Variants in KAZN observed in about 807,000 individuals in gnomAD.
KAZN encodes the protein kazrin, periplakin interacting protein.
Under a neutral mutation model 87.4 loss-of-function variants are expected in KAZN, and 40 were observed. That is an observed-to-expected ratio of 0.46 (90% CI 0.36 to 0.60). KAZN has a LOEUF of 0.60. Ranked by LOEUF, KAZN falls within the 20% of genes least tolerant of loss-of-function variation. The pLI is 0.00. For missense variants in KAZN, 898 were observed against 1,073.9 expected (o/e 0.84, Z 2.29); for synonymous variants, 466 against 458.3 (o/e 1.02, Z -0.22).
At chr1:14,548,560 A>G (rs1673317743) in intron 2 of KAZN, among the ~76,000 whole-genome samples, 1 of 152,094 alleles carries the variant, frequency 6.6e-6, no homozygotes, top group South Asian at 2.1e-4. Context: ...ATATAATTCT[A>G]TTTTACATAT....
chr1:14,650,442 A>T (rs915103071), intron 1 of KAZN, among the ~76,000 whole-genome samples: 3 of 152,166 alleles, frequency 2.0e-5, no homozygotes, highest in Non-Finnish European at 2.9e-5. Context: ...CAGGAGACTG[A>T]GGCAGGAGGA....
intron 1 of KAZN, among the ~76,000 whole-genome samples, chr1:14,646,274 C>T (rs530945713): frequency 6.6e-6 from 1 of 152,106 alleles, no homozygotes; most frequent in Non-Finnish European, 1.5e-5. Flanking sequence ...GGCTGGGTAT[C>T]GTGGCTCATG....
chr1:14,969,856 C>T (rs536596417), intron 2 of KAZN, among the ~76,000 whole-genome samples: 25 of 152,130 alleles, frequency 1.6e-4, no homozygotes, highest in Non-Finnish European at 2.6e-4. Flanking sequence ...CTCTGTCGCC[C>T]AGGCTGGAGT....
intron 2 of KAZN, among the ~76,000 whole-genome samples, chr1:14,469,281 G>A (rs1302199157): frequency 6.6e-6 from 1 of 152,064 alleles, no homozygotes; most frequent in East Asian, 1.9e-4. Context: ...CTTTCCTATT[G>A]ACATTATTTA....
chr1:14,824,176 A>G (rs978475339), intron 1 of KAZN, among the ~76,000 whole-genome samples: 1 of 151,934 alleles, frequency 6.6e-6, no homozygotes, highest in Admixed American at 6.5e-5. Flanking sequence ...TTTCAGACTC[A>G]ATTCAGGCAG....
intron 2 of KAZN, among the ~76,000 whole-genome samples, chr1:14,441,111 C>T (rs1010870502): frequency 2.6e-5 from 4 of 152,128 alleles, no homozygotes; most frequent in Non-Finnish European, 5.9e-5. Flanking sequence ...GCCCCAGGGC[C>T]TTGAGCAGCC....
chr1:14,596,055 C>A (rs1350840579), upstream of KAZN, among the ~76,000 whole-genome samples: 2 of 152,122 alleles, frequency 1.3e-5, no homozygotes, highest in African/African-American at 4.8e-5. Flanking sequence ...AATAATCTCA[C>A]TGAAGAGCAA....
At chr1:14,828,342 C>T (rs527822442) in intron 1 of KAZN, among the ~76,000 whole-genome samples, 1 of 152,284 alleles carries the variant, frequency 6.6e-6, no homozygotes, top group East Asian at 1.9e-4. Context: ...TATTTTCGTC[C>T]TATTTTATTT....
intron 1 of KAZN, among the ~76,000 whole-genome samples, chr1:14,067,100 T>A (rs1175867357): frequency 1.3e-5 from 2 of 152,086 alleles, no homozygotes; most frequent in Non-Finnish European, 2.9e-5. Context: ...TATTCTTTAT[T>A]TACCAACTTT....
chr1:14,997,770 C>G (rs1668046150), intron 2 of KAZN, among the ~76,000 whole-genome samples: 1 of 152,144 alleles, frequency 6.6e-6, no homozygotes, highest in South Asian at 2.1e-4. Context: ...TGATCAGGAC[C>G]TGGGCACCTG....
At chr1:14,431,435 C>T (rs1666064585) in intron 2 of KAZN, among the ~76,000 whole-genome samples, 1 of 152,170 alleles carries the variant, frequency 6.6e-6, no homozygotes, top group Non-Finnish European at 1.5e-5. Context: ...AAGATGAGGG[C>T]AGATAATGGG....
intron 2 of KAZN, among the ~76,000 whole-genome samples, chr1:14,969,632 A>G (rs532567312): frequency 6.2e-4 from 95 of 152,278 alleles, no homozygotes; most frequent in Non-Finnish European, 1.0e-3. Context: ...CTTAGACTCC[A>G]CATTTTGATC....
intron 2 of KAZN, among the ~76,000 whole-genome samples, chr1:14,965,036 CTT>C (rs556431827): frequency 1.4e-5 from 2 of 144,504 alleles, no homozygotes; most frequent in South Asian, 2.2e-4. Flanking sequence ...ATATTTTTTT[CTT>C]TTTTTTTTTT....
chr1:13,982,340 A>G (rs1455387484), intron 1 of KAZN, among the ~76,000 whole-genome samples: 2 of 152,010 alleles, frequency 1.3e-5, no homozygotes, highest in South Asian at 4.2e-4. Context: ...GCGCGTCTGG[A>G]GTTTGTTCCT....
At chr1:14,919,711 A>G (rs890743831) in intron 1 of KAZN, among the ~76,000 whole-genome samples, 108 of 152,362 alleles carry the variant, frequency 7.1e-4, no homozygotes, top group African/African-American at 2.5e-3. Flanking sequence ...ACATAAAAAC[A>G]TTTGGGTCAA....
intron 2 of KAZN, among the ~76,000 whole-genome samples, chr1:14,531,460 G>A (rs1672204407): frequency 1.3e-5 from 2 of 152,150 alleles, no homozygotes; most frequent in South Asian, 4.1e-4. Context: ...GAACTCGGCA[G>A]AACCCATCAG....
intron 1 of KAZN, among the ~76,000 whole-genome samples, chr1:14,104,265 TC>T (rs1462268166): frequency 1.3e-5 from 2 of 152,204 alleles, no homozygotes; most frequent in Non-Finnish European, 2.9e-5. Context: ...GCACCTGGTC[TC>T]CTGGCGCTGG....
intron 2 of KAZN, among the ~76,000 whole-genome samples, chr1:14,485,782 A>G (rs1669320262): frequency 6.6e-6 from 1 of 151,858 alleles, no homozygotes; most frequent in Admixed American, 6.6e-5. Context: ...AGTCCCGGCT[A>G]CTTAGGAGGC....
intron 2 of KAZN, among the ~76,000 whole-genome samples, chr1:15,009,608 A>G (rs1297310020): frequency 6.6e-6 from 1 of 152,216 alleles, no homozygotes; most frequent in Non-Finnish European, 1.5e-5. Flanking sequence ...TGTCAGCTCC[A>G]TAGCAAAGGA....
Sources: gnomAD v4.1 joint callset for allele counts (sites outside exome capture counted in the v4.1 genomes callset) on GRCh38, gnomAD v4.1.1 for gene constraint, MANE v1.5 for transcripts, NCBI Gene and HGNC (gene_info 2026-07-23, HGNC 2026-07-21) for gene names.